GNAQ: variants seen among roughly 807,000 people sequenced by gnomAD.
GNAQ encodes guanine nucleotide-binding protein G(q) subunit alpha.
Under a neutral mutation model 43.9 loss-of-function variants are expected in GNAQ, and 8 were observed. That is an observed-to-expected ratio of 0.18 (90% CI 0.11 to 0.33). The LOEUF (loss-of-function observed/expected upper bound fraction) is 0.33. Ranked by LOEUF, GNAQ falls within the 10% of genes least tolerant of loss-of-function variation. The probability of loss-of-function intolerance (pLI) is 1.00; values close to 1 mark genes in which losing one functional copy is unlikely to be tolerated. For synonymous variants in GNAQ, 155 were observed against 170.7 expected (o/e 0.91, Z 0.71); for missense variants, 158 against 450.8 (o/e 0.35, Z 5.88).
chr9:77,764,920 T>C (rs919541303), intron 5 of GNAQ, among the ~76,000 whole-genome samples: 32 of 152,288 alleles, frequency 2.1e-4, no homozygotes, highest in African/African-American at 7.0e-4. Flanking sequence ...AAGGAGAAGG[T>C]TGAAACCAAC....
At chr9:77,747,753 A>C (rs902771894) in intron 5 of GNAQ, among the ~76,000 whole-genome samples, 1 of 152,232 alleles carries the variant, frequency 6.6e-6, no homozygotes, top group Non-Finnish European at 1.5e-5. Context: ...AGAAAGAATT[A>C]GTGACAAACT....
chr9:77,918,698 T>C (rs1321541986), intron 2 of GNAQ, among the ~76,000 whole-genome samples: 1 of 152,168 alleles, frequency 6.6e-6, no homozygotes, highest in Non-Finnish European at 1.5e-5. Context: ...GATCATTTAT[T>C]ATAGCCATTC....
Position 77,794,586 on chromosome 9 carries a change from G to A in GNAQ, c.612C>T (p.Val204=), listed in dbSNP as rs780431354. 4 of 1,599,040 alleles carry A rather than the reference G, an allele frequency of 2.5e-6. No individual in the cohort carries two copies. The highest frequency in any genetic ancestry group is 1.1e-5 in the South Asian group (1 of 89,852). Residue 204 remains valine (V), a synonymous_variant, in exon 5 of 7, where the codon GTC becomes GTT. Coordinates refer to ENST00000286548, the MANE Select transcript of GNAQ (RefSeq NM_002072.5). ...FDLQSVIFRM[V]DVGGQRSERR... is the part of the protein sequence containing the mutation. ...TCTCTGACCTTTGGCCCCCTACATCGACCATTCTGCAAGGTTAACAATACT... is the reference window on the plus strand; with the variant it reads ...TCTCTGACCTTTGGCCCCCTACATCAACCATTCTGCAAGGTTAACAATACT...
chr9:77,738,779 G>A (rs1825609790), intron 5 of GNAQ, among the ~76,000 whole-genome samples: 1 of 151,968 alleles, frequency 6.6e-6, no homozygotes, highest in Non-Finnish European at 1.5e-5. Context: ...AGTTACATGG[G>A]GTCTGCAGCT....
intron 2 of GNAQ, among the ~76,000 whole-genome samples, chr9:77,868,895 G>C (rs1827991750): frequency 1.3e-5 from 2 of 152,248 alleles, no homozygotes; most frequent in Admixed American, 6.5e-5. Flanking sequence ...GCTGAGGCAA[G>C]AGAATTGCTT....
chr9:77,811,646 T>C lies in GNAQ; in HGVS notation c.476+3970A>G, dbSNP rs142753805. Among the ~76,000 whole-genome samples the C allele has an allele frequency of 4.0e-4, 61 of 152,318 alleles. 1 individual carries two copies. The highest frequency in any genetic ancestry group is 3.7e-3 in the East Asian group (19 of 5,182). ...CAGCAGCAAATGAGTGACTCTATGA[T>C]GCCCAGGTCCTATTTCTGTTGAGAG... On this transcript the variant is annotated intron_variant, in intron 3 of 6. Transcript: ENST00000286548.
At chr9:77,864,693 A>C (rs563556173) in intron 2 of GNAQ, among the ~76,000 whole-genome samples, 1 of 152,174 alleles carries the variant, frequency 6.6e-6, no homozygotes, top group Non-Finnish European at 1.5e-5. Context: ...TTGGGTTTTG[A>C]CCAGTAAGAC....
intron 2 of GNAQ, among the ~76,000 whole-genome samples, chr9:77,833,972 GT>G (rs1033002887): frequency 4.0e-5 from 6 of 151,690 alleles, no homozygotes; most frequent in African/African-American, 9.7e-5. Flanking sequence ...AAAATGGTGG[GT>G]TTTTTTTAAC....
intron 1 of GNAQ, among the ~76,000 whole-genome samples, chr9:77,952,025 C>T (rs1484204022): frequency 6.6e-6 from 1 of 152,146 alleles, no homozygotes; most frequent in Non-Finnish European, 1.5e-5. Context: ...ATTCTGATGA[C>T]CAGCAGGATA....
At position 77,930,165 on chromosome 9, in the gene GNAQ, G is replaced by C. The variant is rs1035805164; in HGVS notation, c.137-7820C>G. On this transcript the variant is annotated intron_variant, in intron 1 of 6. Transcript: ENST00000286548. ...TGCAGGATCTGGCAGTCCTGTAACT[G>C]TACCAGCTGACACATCCACAGACCC... 2.0e-5 allele frequency among the ~76,000 whole-genome samples: 3 copies of C among 152,120 alleles called. No homozygotes were observed. In the East Asian group the frequency reaches 5.8e-4, roughly 29 times the overall value.
intron 2 of GNAQ, among the ~76,000 whole-genome samples, chr9:77,889,840 A>C (rs1013825079): frequency 6.6e-6 from 1 of 152,192 alleles, no homozygotes; most frequent in African/African-American, 2.4e-5. Flanking sequence ...CTCTTAAATT[A>C]TCATGGCCTA....
At chr9:77,918,001 C>T (rs188239665) in intron 2 of GNAQ, among the ~76,000 whole-genome samples, 1 of 152,172 alleles carries the variant, frequency 6.6e-6, no homozygotes, top group African/African-American at 2.4e-5. Context: ...AGACTGTGAA[C>T]TGGACTCCCC....
chr9:77,837,140 T>C (rs1204513109), intron 2 of GNAQ, among the ~76,000 whole-genome samples: 4 of 152,122 alleles, frequency 2.6e-5, no homozygotes, highest in Admixed American at 6.6e-5. Context: ...TTAAGTAACA[T>C]ATATATATTT....
chr9:77,951,310 C>A (rs886075341), intron 1 of GNAQ, among the ~76,000 whole-genome samples: 13 of 151,926 alleles, frequency 8.6e-5, no homozygotes, highest in African/African-American at 3.1e-4. Context: ...GTTGGCCAGG[C>A]TGGTCTTGAA....
chr9:78,003,723 C>A (rs35932717), intron 1 of GNAQ, among the ~76,000 whole-genome samples: 24 of 150,554 alleles, frequency 1.6e-4, no homozygotes, highest in African/African-American at 5.9e-4. Flanking sequence ...GGCTGAGGCA[C>A]GAGAATCACT....
At chr9:78,031,049 G>A (rs1824051456) in intron 1 of GNAQ, 51 bp downstream of exon 1, 8 of 1,334,920 alleles carry the variant, frequency 6.0e-6, no homozygotes, top group Middle Eastern at 2.8e-4. Context: ...CAGGGCCAAG[G>A]ATGGTGGGCT....
intron 5 of GNAQ, among the ~76,000 whole-genome samples, chr9:77,740,016 C>T (rs1250867047): frequency 1.3e-5 from 2 of 152,174 alleles, no homozygotes; most frequent in African/African-American, 4.8e-5. Flanking sequence ...AACAAATTCT[C>T]AGTGTGTTAG....
At chr9:77,909,031 C>G (rs1390944506) in intron 2 of GNAQ, among the ~76,000 whole-genome samples, 1 of 152,112 alleles carries the variant, frequency 6.6e-6, no homozygotes, top group African/African-American at 2.4e-5. Flanking sequence ...GAATAATGTA[C>G]CCACCTCTCC....
At chr9:77,904,160 T>A (rs1366177131) in intron 2 of GNAQ, among the ~76,000 whole-genome samples, 5 of 152,072 alleles carry the variant, frequency 3.3e-5, no homozygotes, top group African/African-American at 1.2e-4. Flanking sequence ...TAATGATCTA[T>A]CCTGCATCTA....
Sources: allele counts gnomAD v4.1 joint callset (sites outside exome capture counted in the v4.1 genomes callset), GRCh38; gene constraint gnomAD v4.1.1; transcripts MANE v1.5; gene names NCBI Gene and HGNC (gene_info 2026-07-23, HGNC 2026-07-21).